The following AP3D1 variants were observed in gnomAD, a reference collection of about 807,000 sequenced individuals.
AP3D1 encodes the protein AP-3 complex subunit delta-1.
A neutral mutation model predicts 147.6 loss-of-function variants in AP3D1; 51 were observed. That is an observed-to-expected ratio of 0.35 (90% CI 0.28 to 0.44). AP3D1 has a LOEUF of 0.44. Ranked by LOEUF, AP3D1 falls within the 20% of genes least tolerant of loss-of-function variation. The pLI is 1.00. For synonymous variants in AP3D1, 760 were observed against 663.0 expected (o/e 1.15, Z -2.25); for missense variants, 1,421 against 1,624.2 (o/e 0.87, Z 2.15).
intron 1 of AP3D1, among the ~76,000 whole-genome samples, chr19:2,150,068 C>T (rs2019464933): frequency 6.6e-6 from 1 of 152,242 alleles, no homozygotes; most frequent in African/African-American, 2.4e-5. Flanking sequence ...AGCCACACCA[C>T]TTCCAGGAAA....
At chr19:2,143,120 G>T (rs1364925071) in intron 1 of AP3D1, among the ~76,000 whole-genome samples, 6 of 151,452 alleles carry the variant, frequency 4.0e-5, no homozygotes, top group Admixed American at 4.0e-4. Context: ...TTGGAGTGCA[G>T]TGGTATGATC....
Position 2,108,341 on chromosome 19 carries a change from A to G in AP3D1, c.3552+346T>C, listed in dbSNP as rs146764356. On this transcript the variant is annotated intron_variant, in intron 31 of 31. Transcript: ENST00000643116. ...CCCGGAGCGGAGGGAGCGAGGAGTC[A>G]TTCTAGAAGCGCAGCAGTGAGAGGT... 4.6e-5 allele frequency among the ~76,000 whole-genome samples: 7 copies of G among 152,338 alleles called. No individual in the cohort carries two copies. The East Asian group carries it at 1.2e-3, about 25-fold the overall frequency.
chr19:2,127,088 C>T lies in AP3D1; in HGVS notation c.856+64G>A, dbSNP rs1016929443. On this transcript the variant is annotated intron_variant, in intron 9 of 31. Coordinates refer to ENST00000643116, the MANE Select transcript of AP3D1 (RefSeq NM_001261826.3). ...GACACCAGGCCTGGCGCCCTCCTGT[C>T]CCCACCTGAGACCCCAGCCTGGCAG... The T allele has an allele frequency of 3.8e-6, 6 of 1,571,998 alleles. No individual in the cohort carries two copies. The African/African-American group carries it at 8.1e-5, about 21-fold the overall frequency.
At chr19:2,139,478 G>A (rs552471906) in intron 1 of AP3D1, among the ~76,000 whole-genome samples, 21 of 152,330 alleles carry the variant, frequency 1.4e-4, no homozygotes, top group African/African-American at 5.1e-4. Context: ...TCTGACCCAA[G>A]CGAACTCAGG....
intron 16 of AP3D1, 69 bp downstream of exon 16, chr19:2,117,153 C>A: frequency 1.3e-6 from 2 of 1,508,890 alleles, no homozygotes; most frequent in Non-Finnish European, 1.8e-6. Flanking sequence ...GGAGCCCCCG[C>A]TGTGCCACCA....
chr19:2,117,121 C>G, intron 16 of AP3D1, 101 bp downstream of exon 16: 1 of 1,430,934 alleles, frequency 7.0e-7, no homozygotes, highest in Admixed American at 2.6e-5. Context: ...GCCCCACACC[C>G]TCCTGGCTGT....
At chr19:2,164,394 T>A in exon 1 of AP3D1, 1 of 545,124 alleles carries the variant, frequency 1.8e-6, no homozygotes. Flanking sequence ...GACTCCACTG[T>A]CGCTGCTCCA....
rs191082490 is a variant in AP3D1, at chr19:2,109,039, C to T, written c.3472+47G>A. The T allele has an allele frequency of 2.6e-4, 421 of 1,600,166 alleles. 1 individual carries two copies. In the African/African-American group the frequency reaches 5.1e-3, roughly 20 times the overall value. On this transcript the variant is annotated intron_variant, in intron 30 of 31. Transcript: ENST00000643116. ...CTCCAATAGGAAGGGACAGCTGCCG[C>T]GTGCGTGAAAGCCCCGTGCAATCCA... is the stretch of plus-strand genomic sequence containing the variant.
At position 2,129,092 on chromosome 19, in the gene AP3D1, G is replaced by A; in HGVS notation, c.804C>T (p.His268=). The A allele has an allele frequency of 6.3e-7, 1 of 1,584,834 alleles. No homozygotes were observed. The highest frequency in any genetic ancestry group is 2.3e-5 in the East Asian group (1 of 43,826). The change falls in exon 8 of 32, where the codon CAC becomes CAT. Residue 268 remains histidine, a splice_region_variant and synonymous_variant. Transcript: ENST00000643116. ...KLIEPLTNLI[H]STSAMSLLYE... ...CACCGCGCATGGCCTGCACTCACCT[G>A]TGGATGAGATTGGTGAGGGGCTCGA...
At position 2,113,829 on chromosome 19, in the gene AP3D1, C is replaced by A. The variant is rs139562358; in HGVS notation, c.2601+296G>T. Among the ~76,000 whole-genome samples, 508 of 152,336 alleles carry A rather than the reference C, an allele frequency of 3.3e-3. 3 individuals carry two copies. Among genetic ancestry groups the A allele is most frequent in the African/African-American group, 0.012 (485 of 41,582 alleles). On this transcript the variant is annotated intron_variant, in intron 22 of 31. Transcript: ENST00000643116. ...CTGCAGAAACGGTTCTGGAGCTGCA[C>A]GTGAGGGTGGCATCTGGACCACGCC...
chr19:2,128,008 T>C (rs1339563450), intron 8 of AP3D1, among the ~76,000 whole-genome samples: 1 of 152,190 alleles, frequency 6.6e-6, no homozygotes, highest in Non-Finnish European at 1.5e-5. Flanking sequence ...ACTGCTCACA[T>C]GGTGAAATGT....
At chr19:2,160,946 G>C (rs960667819) in intron 1 of AP3D1, among the ~76,000 whole-genome samples, 1 of 151,996 alleles carries the variant, frequency 6.6e-6, no homozygotes, top group Admixed American at 6.6e-5. Context: ...CCTGGGTGCA[G>C]AATCACCCCT....
In AP3D1 at chr19:2,121,152, G is replaced by C; in HGVS notation, c.1250+11C>G. 2 of 1,614,168 alleles carry C rather than the reference G, an allele frequency of 1.2e-6. No homozygotes were observed. Among genetic ancestry groups the C allele is most frequent in the Non-Finnish European group, 1.7e-6 (2 of 1,179,992 alleles). On this transcript the variant is annotated intron_variant, in intron 13 of 31. Coordinates refer to ENST00000643116, the MANE Select transcript of AP3D1 (RefSeq NM_001261826.3). ...GGAACCCCCGGCCACACCCCTGGGA[G>C]CGGGACGCACCACTCGAAGTTGGTG...
chr19:2,125,169 A>T (rs966777229), intron 9 of AP3D1, among the ~76,000 whole-genome samples: 5 of 152,222 alleles, frequency 3.3e-5, no homozygotes, highest in African/African-American at 1.2e-4. Context: ...AAATACAAAT[A>T]TCTGGAAATG....
chr19:2,122,493 G>C (rs1457546609), intron 11 of AP3D1, among the ~76,000 whole-genome samples: 2 of 152,236 alleles, frequency 1.3e-5, no homozygotes, highest in Non-Finnish European at 1.5e-5. Flanking sequence ...CTACCCGTGG[G>C]GGATGGGCCC....
At chr19:2,132,725 C>T (rs768911443) in intron 4 of AP3D1, 147 bp from the exon 5 acceptor site, 5 of 605,638 alleles carry the variant, frequency 8.3e-6, no homozygotes, top group African/African-American at 1.8e-5. Flanking sequence ...GCCTTAGCAC[C>T]CCTGCTGCTG....
intron 1 of AP3D1, among the ~76,000 whole-genome samples, chr19:2,144,343 C>T (rs1306964076): frequency 6.6e-6 from 1 of 152,230 alleles, no homozygotes; most frequent in Non-Finnish European, 1.5e-5. Context: ...GCTCAACGCC[C>T]TCTGCACCCA....
chr19:2,114,893 C>A, intron 20 of AP3D1, 72 bp from the exon 21 acceptor site: 2 of 1,518,336 alleles, frequency 1.3e-6, no homozygotes, highest in Admixed American at 3.3e-5. Flanking sequence ...CTATCTGGGA[C>A]GCAGTGGGAC....
intron 1 of AP3D1, among the ~76,000 whole-genome samples, chr19:2,162,540 A>G (rs1007858440): frequency 6.6e-6 from 1 of 151,466 alleles, no homozygotes; most frequent in Non-Finnish European, 1.5e-5. Context: ...TCGTGCCTGT[A>G]GTCCCAGCTA....
Sources: allele counts gnomAD v4.1 joint callset (sites outside exome capture counted in the v4.1 genomes callset), GRCh38; gene constraint gnomAD v4.1.1; transcripts MANE v1.5; gene names NCBI Gene and HGNC (gene_info 2026-07-23, HGNC 2026-07-21).